The following RFTN1 variants were observed in gnomAD, a reference collection of about 807,000 sequenced individuals.
The protein encoded by RFTN1 is raftlin, lipid raft linker 1.
Under a neutral mutation model 46.5 loss-of-function variants are expected in RFTN1, and 26 were observed. That is an observed-to-expected ratio of 0.56 (90% CI 0.41 to 0.78). RFTN1 has a LOEUF of 0.78. Ranked by LOEUF, RFTN1 falls within the 30% of genes least tolerant of loss-of-function variation. RFTN1 has a pLI of 0.00. For synonymous variants in RFTN1, 261 were observed against 284.2 expected (o/e 0.92, Z 0.82); for missense variants, 693 against 718.7 (o/e 0.96, Z 0.41).
chr3:16,323,853 C>T (rs2069364457), intron 8 of RFTN1, among the ~76,000 whole-genome samples: 1 of 152,194 alleles, frequency 6.6e-6, no homozygotes, highest in East Asian at 1.9e-4. Context: ...GCTCAGCCCT[C>T]CAGCTGCTAC....
rs1439604711 is a variant in RFTN1, at chr3:16,484,969, T to C, written c.145+8756A>G. ...GGTGCTGAATAAAAAGTAACTCTGA[T>C]TATTACCTATAAAAAATGAAGCTCT... On this transcript the variant is annotated intron_variant, in intron 2 of 9. Transcript: ENST00000334133. This position sits in a 1 kb window ranked among gnomAD's most constrained non-coding sequence, Gnocchi z 4.6. 6.6e-6 allele frequency: 1 copy of C among 152,258 alleles called. No individual in the cohort carries two copies. Among genetic ancestry groups the C allele is most frequent in the Non-Finnish European group, 1.5e-5 (1 of 68,042 alleles). The allele number at this position is 152,258 out of a possible 1,614,324, so 9.4% of individuals were successfully genotyped here. A position where few individuals can be genotyped will look rare whatever the true frequency, so the allele number is the denominator to read the frequency against.
At position 16,414,308 on chromosome 3, in the gene RFTN1, AAAG is replaced by A. The variant is rs1177397820; in HGVS notation, c.333-4828_333-4826del. Among the ~76,000 whole-genome samples, 923 of 151,478 alleles carry A rather than the reference AAAG, an allele frequency of 6.1e-3. 14 individuals carry two copies. The highest frequency in any genetic ancestry group is 0.021 in the African/African-American group (866 of 41,346). ...GTGGGAAGTCTTGAAAAAAAAAAAA[AAAG>A]AAAGAAAGAAAAGGGCTGGGCACAG... is the stretch of plus-strand genomic sequence containing the variant. On this transcript the variant is annotated intron_variant, in intron 3 of 9. Transcript: ENST00000334133.
At chr3:16,441,873 A>G (rs1346254602) in intron 2 of RFTN1, among the ~76,000 whole-genome samples, 1 of 152,194 alleles carries the variant, frequency 6.6e-6, no homozygotes, top group Non-Finnish European at 1.5e-5. Flanking sequence ...CATAACATCA[A>G]TCTGCCTGGG....
chr3:16,464,147 C>T (rs1304437557), intron 2 of RFTN1, among the ~76,000 whole-genome samples: 1 of 152,164 alleles, frequency 6.6e-6, no homozygotes, highest in Non-Finnish European at 1.5e-5. Flanking sequence ...AAGGGAAAGC[C>T]AACTGTGCAT....
chr3:16,465,056 A>G lies in RFTN1; in HGVS notation c.145+28669T>C, dbSNP rs2124935549. On this transcript the variant is annotated intron_variant, in intron 2 of 9. Transcript: ENST00000334133. This position sits in a 1 kb window ranked among gnomAD's most constrained non-coding sequence, Gnocchi z 5.1. Reference sequence around the variant, plus strand: ...ACAACAAGGAGAGAGACAGAGGGGAATGAGTCTGAAGCAGACAGTCCCAGT... The same window carrying G: ...ACAACAAGGAGAGAGACAGAGGGGAGTGAGTCTGAAGCAGACAGTCCCAGT... Among the ~76,000 whole-genome samples the G allele has an allele frequency of 6.6e-6, 1 of 152,316 alleles. No homozygotes were observed. The highest frequency in any genetic ancestry group is 2.4e-5 in the African/African-American group (1 of 41,568).
At chr3:16,324,009 A>C (rs1001982711) in intron 8 of RFTN1, among the ~76,000 whole-genome samples, 1 of 152,060 alleles carries the variant, frequency 6.6e-6, no homozygotes, top group African/African-American at 2.4e-5. Context: ...GGGAGGGGCG[A>C]CTCGTATCTT....
intron 2 of RFTN1, among the ~76,000 whole-genome samples, chr3:16,444,593 C>T (rs1048452649): frequency 2.6e-5 from 4 of 152,130 alleles, no homozygotes; most frequent in Non-Finnish European, 5.9e-5. Flanking sequence ...GGACAGACTC[C>T]GGCCACCCCA....
rs182903741 is a variant in RFTN1, at chr3:16,428,458, G to A, written c.332+5393C>T. ...ATATGCACTTCAAAAGATTTTCAAG[G>A]GTAACTTTGATTGTACACATTTTCC... On this transcript the variant is annotated intron_variant, in intron 3 of 9. Coordinates refer to ENST00000334133, the MANE Select transcript of RFTN1 (RefSeq NM_015150.2). This position sits in a 1 kb window ranked among gnomAD's most constrained non-coding sequence, Gnocchi z 4.7. Among the ~76,000 whole-genome samples, 1 of 152,220 alleles carries A rather than the reference G, an allele frequency of 6.6e-6. No individual in the cohort carries two copies. Among genetic ancestry groups the A allele is most frequent in the East Asian group, 1.9e-4 (1 of 5,192 alleles).
rs2071375195 is a variant in RFTN1, at chr3:16,342,382, A to G, written c.1147-15506T>C. ...ATATATCAGTAGTTTATTCCTTTTT[A>G]TTGCAAAATAATATTCCATCATATG... On this transcript the variant is annotated intron_variant, in intron 7 of 9. Coordinates refer to ENST00000334133, the MANE Select transcript of RFTN1 (RefSeq NM_015150.2). The surrounding 1 kb of genome is among the most constrained non-coding windows in gnomAD (Gnocchi z 4.0). 1.3e-5 allele frequency among the ~76,000 whole-genome samples: 2 copies of G among 152,192 alleles called. No individual in the cohort carries two copies. Among genetic ancestry groups the G allele is most frequent in the South Asian group, 4.1e-4 (2 of 4,832 alleles).
chr3:16,340,456 G>C (rs564555186), intron 7 of RFTN1, among the ~76,000 whole-genome samples: 1 of 152,222 alleles, frequency 6.6e-6, no homozygotes, highest in Non-Finnish European at 1.5e-5. Flanking sequence ...ACATATGAGA[G>C]AGCCCAGCAG....
At position 16,428,636 on chromosome 3, in the gene RFTN1, G is replaced by A. The variant is rs1485609388; in HGVS notation, c.332+5215C>T. ...TGTACCATGTAAGGCATTACTCTAC[G>A]GAAGCTGTCGCCAAAGGACTTCAAC... On this transcript the variant is annotated intron_variant, in intron 3 of 9. Coordinates refer to ENST00000334133, the MANE Select transcript of RFTN1 (RefSeq NM_015150.2). The surrounding 1 kb of genome is among the most constrained non-coding windows in gnomAD (Gnocchi z 4.7). Among the ~76,000 whole-genome samples the A allele has an allele frequency of 6.6e-6, 1 of 152,064 alleles. No homozygotes were observed. Among genetic ancestry groups the A allele is most frequent in the Non-Finnish European group, 1.5e-5 (1 of 68,022 alleles).
intron 2 of RFTN1, among the ~76,000 whole-genome samples, chr3:16,487,051 G>A (rs2076459277): frequency 1.3e-5 from 2 of 152,204 alleles, no homozygotes; most frequent in African/African-American, 4.8e-5. Flanking sequence ...AGCCAAGAGA[G>A]CCCTGACCAG....
At chr3:16,355,990 A>G (rs935300877) in intron 7 of RFTN1, among the ~76,000 whole-genome samples, 2 of 152,214 alleles carry the variant, frequency 1.3e-5, no homozygotes, top group African/African-American at 2.4e-5. Context: ...TTTTGGGTGC[A>G]GCCATGCATC....
rs148899004 is a variant in RFTN1, at chr3:16,490,427, G to A, written c.145+3298C>T. On this transcript the variant is annotated intron_variant, in intron 2 of 9. Transcript: ENST00000334133. ...GGTCCTAGGCGGGGGCAGTGGGCAC[G>A]ACACACTGTCCTCCAGGGAACAATA... is the stretch of plus-strand genomic sequence containing the variant. Among the ~76,000 whole-genome samples the A allele has an allele frequency of 8.3e-4, 126 of 152,274 alleles. 1 individual carries two copies. In the Middle Eastern group the frequency reaches 0.014, roughly 16 times the overall value.
chr3:16,487,943 A>G lies in RFTN1; in HGVS notation c.145+5782T>C, dbSNP rs950109469. Among the ~76,000 whole-genome samples, 11 of 152,130 alleles carry G rather than the reference A, an allele frequency of 7.2e-5. No homozygotes were observed. In the East Asian group the frequency reaches 1.9e-3, roughly 27 times the overall value. ...TTTAAGACCCAATCAAATCACCCAG[A>G]ATTGAGATTTTTGGCAGCTTATGTG... On this transcript the variant is annotated intron_variant, in intron 2 of 9. Coordinates refer to ENST00000334133, the MANE Select transcript of RFTN1 (RefSeq NM_015150.2).
chr3:16,478,707 C>T (rs192010436), intron 2 of RFTN1, among the ~76,000 whole-genome samples: 54 of 152,262 alleles, frequency 3.5e-4, no homozygotes, highest in African/African-American at 1.3e-3. Context: ...GATCCACTTC[C>T]AAGCTCATGC....
intron 5 of RFTN1, among the ~76,000 whole-genome samples, chr3:16,372,679 G>A (rs534689213): frequency 3.3e-5 from 5 of 152,332 alleles, no homozygotes; most frequent in Admixed American, 6.5e-5. Flanking sequence ...TCCCAAATGC[G>A]TAATGAACCA....
At chr3:16,357,483 A>G (rs2072529862) in intron 7 of RFTN1, among the ~76,000 whole-genome samples, 1 of 152,206 alleles carries the variant, frequency 6.6e-6, no homozygotes, top group Non-Finnish European at 1.5e-5. Flanking sequence ...ATGGGCAATA[A>G]CAGTATTTAC....
chr3:16,381,543 T>C lies in RFTN1; in HGVS notation c.442-3441A>G, dbSNP rs941954942. 2.0e-5 allele frequency among the ~76,000 whole-genome samples: 3 copies of C among 151,614 alleles called. No individual in the cohort carries two copies. Among genetic ancestry groups the C allele is most frequent in the Non-Finnish European group, 4.4e-5 (3 of 67,784 alleles). ...AGCATGCATGCCTCACCTTAAAGCA[T>C]TCAAATCCAATTTTTTTTTTCCAAA... On this transcript the variant is annotated intron_variant, in intron 4 of 9. Coordinates refer to ENST00000334133, the MANE Select transcript of RFTN1 (RefSeq NM_015150.2). This position sits in a 1 kb window ranked among gnomAD's most constrained non-coding sequence, Gnocchi z 4.2.
Sources: gnomAD v4.1 joint callset for allele counts (sites outside exome capture counted in the v4.1 genomes callset) on GRCh38, gnomAD v4.1.1 for gene constraint, Gnocchi (gnomAD v3.1) non-coding constraint, MANE v1.5 for transcripts, NCBI Gene and HGNC (gene_info 2026-07-23, HGNC 2026-07-21) for gene names.